BEND4: variants seen among roughly 807,000 people sequenced by gnomAD.
BEND4 encodes the protein BEN domain-containing protein 4.
Under a neutral mutation model 54.7 loss-of-function variants are expected in BEND4, and 27 were observed. The observed-to-expected ratio is 0.49, with a 90% confidence interval of 0.36 to 0.68. The LOEUF (loss-of-function observed/expected upper bound fraction) is 0.68, where lower values mean the gene tolerates loss of function less well. Ranked by LOEUF, BEND4 falls within the 30% of genes least tolerant of loss-of-function variation. The pLI, the probability that BEND4 is intolerant of heterozygous loss-of-function variation, is 0.00. For missense variants in BEND4, 702 were observed against 697.2 expected (o/e 1.01, Z -0.08); for synonymous variants, 327 against 299.5 (o/e 1.09, Z -0.95).
intron 3 of BEND4, among the ~76,000 whole-genome samples, chr4:42,137,871 T>C (rs1720747014): frequency 6.6e-6 from 1 of 152,062 alleles, no homozygotes; most frequent in South Asian, 2.1e-4. Flanking sequence ...ATCAGGGAAA[T>C]GCAAATCAAA....
chr4:42,132,261 T>TG (rs1185665075), intron 3 of BEND4, among the ~76,000 whole-genome samples: 1 of 152,100 alleles, frequency 6.6e-6, no homozygotes, highest in African/African-American at 2.4e-5. Context: ...CAGCCAGTGC[T>TG]GCAGGTGTAG....
In BEND4 at chr4:42,125,596, T is replaced by C; in HGVS notation, c.1133A>G (p.Asp378Gly). Residue 378 changes from aspartate (D) to glycine (G), a missense_variant, in exon 4 of 6, where the codon GAC (aspartate) becomes GGC (glycine). Asp to Gly is a moderately conservative substitution (Grantham distance 94). Transcript: ENST00000502486. ...HNQLLIPQPA[D>G]QPTEGSKQLL... ...CCAGAGACCTACCTCTGTCGGCTGGTCAGCTGGCTGTGGTATCAGGAGTTG... is the reference window on the plus strand; with the variant it reads ...CCAGAGACCTACCTCTGTCGGCTGGCCAGCTGGCTGTGGTATCAGGAGTTG... The C allele has an allele frequency of 6.2e-7, 1 of 1,613,604 alleles. No individual in the cohort carries two copies. The highest frequency in any genetic ancestry group is 8.5e-7 in the Non-Finnish European group (1 of 1,179,554).
chr4:42,122,563 T>C (rs1440746373), intron 4 of BEND4, among the ~76,000 whole-genome samples: 1 of 152,106 alleles, frequency 6.6e-6, no homozygotes, highest in Non-Finnish European at 1.5e-5. Flanking sequence ...TGAATATAAA[T>C]TCGCAAAGTT....
intron 3 of BEND4, among the ~76,000 whole-genome samples, chr4:42,126,233 G>A (rs540379252): frequency 2.0e-5 from 3 of 152,174 alleles, no homozygotes; most frequent in Admixed American, 2.0e-4. Context: ...AGATGAATTT[G>A]GGTCAACAAT....
chr4:42,131,638 G>T (rs1030643252), intron 3 of BEND4, among the ~76,000 whole-genome samples: 4 of 152,220 alleles, frequency 2.6e-5, no homozygotes, highest in African/African-American at 9.6e-5. Context: ...ACCCAAGCCG[G>T]TGGATGCACA....
intron 3 of BEND4, among the ~76,000 whole-genome samples, chr4:42,132,056 G>A (rs1159162778): frequency 2.0e-5 from 3 of 152,170 alleles, no homozygotes; most frequent in Non-Finnish European, 2.9e-5. Context: ...AGACAGGTGC[G>A]TCTAGAAAAG....
intron 3 of BEND4, among the ~76,000 whole-genome samples, chr4:42,134,555 G>A (rs569839871): frequency 7.9e-5 from 12 of 152,204 alleles, no homozygotes; most frequent in Non-Finnish European, 1.5e-4. Context: ...TAGGAAAGAG[G>A]GGACACAAAG....
chr4:42,130,033 G>T (rs528264175), intron 3 of BEND4, among the ~76,000 whole-genome samples: 14 of 152,166 alleles, frequency 9.2e-5, no homozygotes, highest in African/African-American at 2.7e-4. Context: ...AATCTACAAG[G>T]AACTTAAACA....
At chr4:42,144,743 G>A (rs753761816) in intron 2 of BEND4, among the ~76,000 whole-genome samples, 2 of 152,164 alleles carry the variant, frequency 1.3e-5, no homozygotes, top group Non-Finnish European at 2.9e-5. Flanking sequence ...AATGGCACGA[G>A]GCATGGGTGC....
chr4:42,122,877 C>T (rs527853281), intron 4 of BEND4, among the ~76,000 whole-genome samples: 1 of 152,286 alleles, frequency 6.6e-6, no homozygotes, highest in South Asian at 2.1e-4. Context: ...GCTGCGGATG[C>T]CATCCTCAAG....
At chr4:42,149,173 A>T (rs1560585796) in intron 2 of BEND4, among the ~76,000 whole-genome samples, 1 of 152,182 alleles carries the variant, frequency 6.6e-6, no homozygotes, top group Non-Finnish European at 1.5e-5. Flanking sequence ...AGGGTGCAAC[A>T]GGCAAAGCGC....
In BEND4 at chr4:42,111,210, C is replaced by T. The variant is rs1333624499; in HGVS notation, c.*6308G>A. On this transcript the variant is annotated 3_prime_UTR_variant, in exon 6 of 6. Coordinates refer to ENST00000502486, the MANE Select transcript of BEND4 (RefSeq NM_207406.4). ...AAAAATCTTGCTATTCTATATTACACTATGCATTTGTAGCTTTATTAACAT... is the reference window on the plus strand; with the variant it reads ...AAAAATCTTGCTATTCTATATTACATTATGCATTTGTAGCTTTATTAACAT... 6.6e-6 allele frequency: 1 copy of T among 152,200 alleles called. No individual in the cohort carries two copies. The highest frequency in any genetic ancestry group is 6.5e-5 in the Admixed American group (1 of 15,288). The allele number at this position is 152,200 out of a possible 1,614,324, so 9.4% of individuals were successfully genotyped here.
intron 2 of BEND4, 168 bp downstream of exon 2, chr4:42,151,489 A>T: frequency 1.6e-6 from 1 of 629,824 alleles, no homozygotes; most frequent in Non-Finnish European, 2.3e-6. Context: ...GCGGCGCTGG[A>T]GAATCCTCTC....
chr4:42,126,233 G>T (rs540379252), intron 3 of BEND4, among the ~76,000 whole-genome samples: 70 of 152,290 alleles, frequency 4.6e-4, no homozygotes, highest in African/African-American at 1.7e-3. Flanking sequence ...AGATGAATTT[G>T]GGTCAACAAT....
chr4:42,134,510 G>A (rs1720624774), intron 3 of BEND4, among the ~76,000 whole-genome samples: 1 of 152,112 alleles, frequency 6.6e-6, no homozygotes, highest in African/African-American at 2.4e-5. Context: ...CAATTCAATT[G>A]ACATGCAGAT....
At chr4:42,131,488 G>A (rs564263420) in intron 3 of BEND4, among the ~76,000 whole-genome samples, 2 of 152,272 alleles carry the variant, frequency 1.3e-5, no homozygotes, top group South Asian at 4.1e-4. Flanking sequence ...TTTAAAAGTT[G>A]TTTGAAAAAT....
At chr4:42,132,630 G>A (rs951592092) in intron 3 of BEND4, among the ~76,000 whole-genome samples, 1 of 151,928 alleles carries the variant, frequency 6.6e-6, no homozygotes, top group African/African-American at 2.4e-5. Context: ...ATTTTCAGTA[G>A]AGAGGGAGTT....
At chr4:42,131,062 A>C (rs1228765771) in intron 3 of BEND4, among the ~76,000 whole-genome samples, 1 of 151,940 alleles carries the variant, frequency 6.6e-6, no homozygotes, top group Non-Finnish European at 1.5e-5. Context: ...ACTGGGGCCT[A>C]TTGGGGAGGG....
At chr4:42,128,839 G>C (rs1720397985) in intron 3 of BEND4, among the ~76,000 whole-genome samples, 1 of 151,942 alleles carries the variant, frequency 6.6e-6, no homozygotes, top group Admixed American at 6.6e-5. Context: ...GGGAGGCTGA[G>C]ACAGGAAAAC....
Sources: gnomAD v4.1 joint callset for allele counts (sites outside exome capture counted in the v4.1 genomes callset) on GRCh38, gnomAD v4.1.1 for gene constraint, MANE v1.5 for transcripts, NCBI Gene and HGNC (gene_info 2026-07-23, HGNC 2026-07-21) for gene names.